The following KCND2 variants were observed in gnomAD, a reference collection of about 807,000 sequenced individuals.
KCND2 encodes potassium voltage-gated channel subfamily D member 2.
A neutral mutation model predicts 54.4 loss-of-function variants in KCND2; 16 were observed. The observed-to-expected ratio is 0.29, with a 90% CI of 0.20 to 0.45. KCND2 has a LOEUF of 0.45. KCND2 is among the 20% of genes least tolerant of loss of function. The probability of loss-of-function intolerance (pLI) is 1.00; values close to 1 mark genes in which losing one functional copy is unlikely to be tolerated. For synonymous variants in KCND2, 317 were observed against 310.7 expected (o/e 1.02, Z -0.21); for missense variants, 486 against 824.2 (o/e 0.59, Z 5.02).
intron 1 of KCND2, among the ~76,000 whole-genome samples, chr7:120,405,550 C>T (rs145968229): frequency 6.6e-6 from 1 of 152,100 alleles, no homozygotes; most frequent in Non-Finnish European, 1.5e-5. Flanking sequence ...AGAGATAACA[C>T]ATTTCCATGT....
intron 1 of KCND2, among the ~76,000 whole-genome samples, chr7:120,568,873 A>G (rs1792329876): frequency 6.6e-6 from 1 of 152,164 alleles, no homozygotes; most frequent in African/African-American, 2.4e-5. Flanking sequence ...TGATTATTTC[A>G]TAAGGGCAGG....
chr7:120,657,410 T>C (rs1791816032), intron 1 of KCND2, among the ~76,000 whole-genome samples: 1 of 152,116 alleles, frequency 6.6e-6, no homozygotes, highest in South Asian at 2.1e-4. Flanking sequence ...ATACTGGCCC[T>C]CATTTGGGTC....
chr7:120,457,627 C>T (rs1329340762), intron 1 of KCND2, among the ~76,000 whole-genome samples: 1 of 152,210 alleles, frequency 6.6e-6, no homozygotes, highest in Non-Finnish European at 1.5e-5. Flanking sequence ...AGCTATTCAG[C>T]AAGTCTCTAG....
intron 1 of KCND2, among the ~76,000 whole-genome samples, chr7:120,323,023 A>G (rs975045125): frequency 1.2e-4 from 18 of 152,162 alleles, no homozygotes; most frequent in African/African-American, 3.9e-4. Context: ...ATACATGTGC[A>G]GAACGAGCAG....
chr7:120,471,637 A>G (rs114057584), intron 1 of KCND2, among the ~76,000 whole-genome samples: 226 of 152,224 alleles, frequency 1.5e-3, no homozygotes, highest in African/African-American at 5.1e-3. Flanking sequence ...ACTTTAATTT[A>G]CTATCACCTC....
chr7:120,516,722 C>T (rs935818591), intron 1 of KCND2, among the ~76,000 whole-genome samples: 8 of 152,064 alleles, frequency 5.3e-5, no homozygotes, highest in African/African-American at 1.7e-4. Context: ...TGATAGAAAA[C>T]GGGAAATCTA....
intron 1 of KCND2, among the ~76,000 whole-genome samples, chr7:120,347,255 C>T (rs946504759): frequency 3.3e-5 from 5 of 152,084 alleles, no homozygotes; most frequent in African/African-American, 1.2e-4. Flanking sequence ...TACCTATAAG[C>T]AGGGTCTTTA....
chr7:120,596,938 A>T (rs865948351), intron 1 of KCND2, among the ~76,000 whole-genome samples: 9 of 152,240 alleles, frequency 5.9e-5, no homozygotes, highest in Non-Finnish European at 4.4e-5. Context: ...AAGAATATAT[A>T]TCGATTTCAC....
chr7:120,363,868 C>A (rs959600168), intron 1 of KCND2, among the ~76,000 whole-genome samples: 1 of 152,128 alleles, frequency 6.6e-6, no homozygotes, highest in South Asian at 2.1e-4. Context: ...GCTCACTCTG[C>A]CCTTCTCACT....
At chr7:120,393,534 G>T (rs770463059) in intron 1 of KCND2, among the ~76,000 whole-genome samples, 18 of 151,954 alleles carry the variant, frequency 1.2e-4, no homozygotes, top group Middle Eastern at 3.2e-3. Context: ...TGTTGTAGGT[G>T]CTTTCTTCCC....
intron 1 of KCND2, among the ~76,000 whole-genome samples, chr7:120,398,027 ATATATATATATT>A (rs1332950202): frequency 2.0e-5 from 2 of 100,190 alleles, no homozygotes; most frequent in African/African-American, 3.8e-5. Flanking sequence ...ATATATATAT[ATATATATATATT>A]TGCTCTTTTT....
intron 1 of KCND2, among the ~76,000 whole-genome samples, chr7:120,340,653 G>A (rs567128642): frequency 6.6e-6 from 1 of 152,300 alleles, no homozygotes; most frequent in African/African-American, 2.4e-5. Flanking sequence ...GGTAAGAATT[G>A]AAAAGATGGC....
At chr7:120,426,845 C>T (rs532663015) in intron 1 of KCND2, among the ~76,000 whole-genome samples, 99 of 152,168 alleles carry the variant, frequency 6.5e-4, no homozygotes, top group African/African-American at 2.4e-3. Flanking sequence ...TGGTCTCGAT[C>T]TCCTGACCTC....
intron 1 of KCND2, among the ~76,000 whole-genome samples, chr7:120,452,746 G>C (rs1300910458): frequency 6.6e-6 from 1 of 152,210 alleles, no homozygotes; most frequent in African/African-American, 2.4e-5. Context: ...GAAGAGCACA[G>C]AGGGTTTGGT....
At chr7:120,284,297 A>G (rs1005819787) in intron 1 of KCND2, among the ~76,000 whole-genome samples, 1 of 151,736 alleles carries the variant, frequency 6.6e-6, no homozygotes, top group Non-Finnish European at 1.5e-5. Context: ...ATGCACACGC[A>G]CACACACACA....
At position 120,501,097 on chromosome 7, in the gene KCND2, C is replaced by G. The variant is rs963020456; in HGVS notation, c.1115+225350C>G. Among the ~76,000 whole-genome samples, 17 of 152,162 alleles carry G rather than the reference C, an allele frequency of 1.1e-4. No homozygotes were observed. The East Asian group carries it at 3.3e-3, about 29-fold the overall frequency. The stretch of plus-strand genomic sequence containing the variant: ...GTTTGTTTAAGTAAGGTTACTTACT[C>G]TAGAATCTGTTAGTCCATGTTCTTT... On this transcript the variant is annotated intron_variant, in intron 1 of 5. Coordinates refer to ENST00000331113, the MANE Select transcript of KCND2 (RefSeq NM_012281.3).
At chr7:120,695,849 A>C (rs771805174) in intron 1 of KCND2, among the ~76,000 whole-genome samples, 1 of 152,226 alleles carries the variant, frequency 6.6e-6, no homozygotes, top group Non-Finnish European at 1.5e-5. Context: ...AGTAGTTTAT[A>C]GATGGAAGTT....
chr7:120,436,452 C>G (rs984796440), intron 1 of KCND2, among the ~76,000 whole-genome samples: 1 of 152,178 alleles, frequency 6.6e-6, no homozygotes, highest in African/African-American at 2.4e-5. Flanking sequence ...CATTCATAAA[C>G]TTGTAGCAGA....
At chr7:120,718,614 T>G (rs1792631627) in intron 1 of KCND2, among the ~76,000 whole-genome samples, 3 of 152,120 alleles carry the variant, frequency 2.0e-5, no homozygotes, top group Non-Finnish European at 4.4e-5. Context: ...TTTGCCAGTT[T>G]GCTTGCCTTT....
Sources: allele counts gnomAD v4.1 joint callset (sites outside exome capture counted in the v4.1 genomes callset), GRCh38; gene constraint gnomAD v4.1.1; transcripts MANE v1.5; gene names NCBI Gene and HGNC (gene_info 2026-07-23, HGNC 2026-07-21).